Variants in FAM186B observed in about 807,000 individuals in gnomAD.
FAM186B encodes the protein protein FAM186B.
FAM186B carries 68 observed loss-of-function variants against 83.4 expected under a neutral mutation model. The observed-to-expected ratio is 0.81, with a 90% CI of 0.67 to 1.00. The LOEUF (loss-of-function observed/expected upper bound fraction) is 1.00, where lower values mean the gene tolerates loss of function less well. Among genes scored for constraint, FAM186B ranks in the 50% least tolerant of loss-of-function variants. The pLI, the probability that FAM186B is intolerant of heterozygous loss-of-function variation, is 0.00. For missense variants in FAM186B, 983 were observed against 1,099.2 expected (o/e 0.89, Z 1.49); for synonymous variants, 389 against 422.0 (o/e 0.92, Z 0.96).
In FAM186B at chr12:49,601,061, T is replaced by G; in HGVS notation, c.579A>C (p.Leu193=). Residue 193 remains leucine (L), a synonymous_variant, in exon 4 of 7, where the codon CTA becomes CTC. Coordinates refer to ENST00000257894, the MANE Select transcript of FAM186B (RefSeq NM_032130.3). The part of the protein sequence containing the change: ...PQTSPSHPQP[L]SPEQMLQDQH... Reference sequence around the variant, plus strand: ...GGTCCTGGAGCATCTGTTCTGGGCTTAGTGGCTGAGGATGGGATGGAGATG... The same window carrying G: ...GGTCCTGGAGCATCTGTTCTGGGCTGAGTGGCTGAGGATGGGATGGAGATG... 6.2e-7 allele frequency: 1 copy of G among 1,611,788 alleles called. No individual in the cohort carries two copies. Among genetic ancestry groups the G allele is most frequent in the Non-Finnish European group, 8.5e-7 (1 of 1,178,574 alleles).
chr12:49,600,083 C>T lies in FAM186B; in HGVS notation c.1557G>A (p.Arg519=), dbSNP rs1326035410. 1.2e-6 allele frequency: 2 copies of T among 1,608,872 alleles called. No homozygotes were observed. The highest frequency in any genetic ancestry group is 1.3e-5 in the African/African-American group (1 of 74,960). ...LLEQEHQEKL[R]QWNLEDLARE... is the part of the protein sequence containing the mutation. ...TGGCCAGGTCTTCCAGATTCCACTG[C>T]CGCAGCTTCTCCTGATGCTCCTGCT... The change falls in exon 4 of 7, where the codon CGG becomes CGA. Residue 519 remains arginine, a synonymous_variant. Transcript: ENST00000257894. This position sits in a 1 kb window ranked among gnomAD's most constrained non-coding sequence, Gnocchi z 4.3.
chr12:49,604,949 G>A (rs916106900), intron 1 of FAM186B, among the ~76,000 whole-genome samples: 67 of 152,208 alleles, frequency 4.4e-4, no homozygotes, highest in Non-Finnish European at 6.8e-4. Context: ...AGGATCAGAG[G>A]CTCAAGTAAA....
Position 49,600,773 on chromosome 12 carries a change from C to G in FAM186B, c.867G>C (p.Arg289Ser). Reference protein sequence around the residue: ...FQQFMEVLESRRDALLKQVEI... With the variant: ...FQQFMEVLESSRDALLKQVEI... ...CTACCTGCTTCAGCAGAGCATCCCT[C>G]CTGCTCTCAAGGACCTCCATGAACT... Residue 289 changes from arginine to serine, a missense_variant, in exon 4 of 7, where the codon AGG becomes AGC. Arg to Ser is a moderately radical substitution (Grantham distance 110, BLOSUM62 -1). Coordinates refer to ENST00000257894, the MANE Select transcript of FAM186B (RefSeq NM_032130.3). This position sits in a 1 kb window ranked among gnomAD's most constrained non-coding sequence, Gnocchi z 4.3. 6.2e-7 allele frequency: 1 copy of G among 1,613,530 alleles called. No homozygotes were observed. The highest frequency in any genetic ancestry group is 8.5e-7 in the Non-Finnish European group (1 of 1,179,552).
chr12:49,598,013 T>C (rs1321922841), intron 5 of FAM186B, among the ~76,000 whole-genome samples: 1 of 152,266 alleles, frequency 6.6e-6, no homozygotes, highest in Non-Finnish European at 1.5e-5. Flanking sequence ...TGAGCCAAGA[T>C]TGTGCCACCG....
At chr12:49,605,148 G>A in intron 1 of FAM186B, 2 of 1,353,262 alleles carry the variant, frequency 1.5e-6, no homozygotes, top group Non-Finnish European at 1.9e-6. Flanking sequence ...CGAGCTTCCT[G>A]CCCCCTTCCC....
chr12:49,617,238 C>T, the FAM186B span, among the ~76,000 whole-genome samples: 6 of 152,214 alleles, frequency 3.9e-5, no homozygotes, highest in African/African-American at 1.4e-4. Flanking sequence ...CAGACCCTCA[C>T]TAACCAAAAC....
At chr12:49,619,478 A>G in the FAM186B span, 3 of 676,314 alleles carry the variant, frequency 4.4e-6, no homozygotes, top group East Asian at 8.4e-5. Context: ...CAAACTGAAG[A>G]GCAGGGGAAA....
intron 5 of FAM186B, among the ~76,000 whole-genome samples, chr12:49,589,873 C>G (rs1028442469): frequency 6.7e-6 from 1 of 148,956 alleles, no homozygotes; most frequent in African/African-American, 2.5e-5. Context: ...CCCAGCTACT[C>G]GGAAGGCTGA....
chr12:49,588,964 G>A (rs971490993), intron 5 of FAM186B, among the ~76,000 whole-genome samples: 1 of 152,210 alleles, frequency 6.6e-6, no homozygotes, highest in Non-Finnish European at 1.5e-5. Context: ...GCCAGGTTGT[G>A]CCTGGACTGC....
chr12:49,593,651 A>AG (rs1247093709), intron 5 of FAM186B, among the ~76,000 whole-genome samples: 2 of 151,828 alleles, frequency 1.3e-5, no homozygotes, highest in African/African-American at 2.4e-5. Flanking sequence ...AAAAAAGAAA[A>AG]GAAAGAGGGC....
downstream of FAM186B, among the ~76,000 whole-genome samples, chr12:49,586,831 C>T (rs1939452735): frequency 6.6e-6 from 1 of 152,204 alleles, no homozygotes; most frequent in African/African-American, 2.4e-5. Context: ...GCCAGGGATT[C>T]GCCCTCTTTG....
At position 49,600,528 on chromosome 12, in the gene FAM186B, A is replaced by G. The variant is rs371781169; in HGVS notation, c.1112T>C (p.Leu371Pro). Residue 371 changes from leucine (L) to proline (P), a missense_variant, in exon 4 of 7, where the codon CTT becomes CCT. Coordinates refer to ENST00000257894, the MANE Select transcript of FAM186B (RefSeq NM_032130.3). This position sits in a 1 kb window ranked among gnomAD's most constrained non-coding sequence, Gnocchi z 4.3. The stretch of plus-strand genomic sequence containing the variant: ...TATCATGGCCATGGGACTTGGGGGA[A>G]GTGGCGAGAACAACTGCTCCTCCTT... Reference protein sequence around the residue: ...PMKEEQLFSPLPPSPMAMIRD... With the variant: ...PMKEEQLFSPPPPSPMAMIRD... 4.1e-5 allele frequency: 66 copies of G among 1,613,996 alleles called. 1 individual carries two copies. The Middle Eastern group carries it at 1.2e-3, about 28-fold the overall frequency.
At chr12:49,619,081 C>T in the FAM186B span, among the ~76,000 whole-genome samples, 1 of 152,246 alleles carries the variant, frequency 6.6e-6, no homozygotes, top group Admixed American at 6.5e-5. Context: ...GCAATGCCTT[C>T]ATAATTCTGA....
At chr12:49,611,939 G>C in the FAM186B span, among the ~76,000 whole-genome samples, 2 of 151,882 alleles carry the variant, frequency 1.3e-5, no homozygotes, top group Admixed American at 1.3e-4. Flanking sequence ...AGCGTGCTAA[G>C]GGAATTTGTT....
chr12:49,613,136 G>T, the FAM186B span, among the ~76,000 whole-genome samples: 1 of 152,078 alleles, frequency 6.6e-6, no homozygotes, highest in Non-Finnish European at 1.5e-5. Flanking sequence ...AATGACTTTT[G>T]GGTAAGCAAT....
At position 49,598,880 on chromosome 12, in the gene FAM186B, A is replaced by G. The variant is rs895642053; in HGVS notation, c.2239T>C (p.Tyr747His). The part of the protein sequence containing the change: ...TEASYKAQNL[Y>H]IFLENIDRLQ... ...CGGTCAATGTTTTCCAGGAAGATGT[A>G]GAGGTTCTGGGCCTTGTAGGAAGCC... is the stretch of plus-strand genomic sequence containing the variant. Residue 747 changes from tyrosine (Y) to histidine (H), a missense_variant, in exon 5 of 7, where the codon TAC becomes CAC. Physicochemically the swap from Tyr to His is moderately conservative, Grantham distance 83. Coordinates refer to ENST00000257894, the MANE Select transcript of FAM186B (RefSeq NM_032130.3). The G allele has an allele frequency of 6.2e-7, 1 of 1,613,364 alleles. No individual in the cohort carries two copies. Among genetic ancestry groups the G allele is most frequent in the Admixed American group, 1.7e-5 (1 of 59,926 alleles).
intron 6 of FAM186B, among the ~76,000 whole-genome samples, 200 bp from the exon 7 acceptor site, chr12:49,587,952 G>A (rs1939487134): frequency 6.6e-6 from 1 of 152,174 alleles, no homozygotes; most frequent in Admixed American, 6.5e-5. Context: ...GGAGCTGCTG[G>A]AAGAGGTTCC....
intron 6 of FAM186B, among the ~76,000 whole-genome samples, 178 bp from the exon 7 acceptor site, chr12:49,587,930 T>C (rs930842244): frequency 1.1e-4 from 16 of 152,050 alleles, no homozygotes; most frequent in African/African-American, 3.9e-4. Flanking sequence ...TCCTTGGGGC[T>C]CCTCTGGCTG....
At chr12:49,605,305 C>T in intron 1 of FAM186B, 77 bp downstream of exon 1, 4 of 1,556,942 alleles carry the variant, frequency 2.6e-6, no homozygotes, top group Non-Finnish European at 3.5e-6. Flanking sequence ...GCTGGAATCT[C>T]ACTCAAACCT....
Sources: gnomAD v4.1 joint callset for allele counts (sites outside exome capture counted in the v4.1 genomes callset) on GRCh38, gnomAD v4.1.1 for gene constraint, Gnocchi (gnomAD v3.1) non-coding constraint, MANE v1.5 for transcripts, NCBI Gene and HGNC (gene_info 2026-07-23, HGNC 2026-07-21) for gene names.